Variants in KIF13A observed in about 807,000 individuals in gnomAD.
KIF13A encodes kinesin-like protein KIF13A.
In KIF13A, 79 loss-of-function variants were observed where a neutral mutation model predicts 212.2. The observed-to-expected ratio is 0.37, with a 90% CI of 0.31 to 0.45. The LOEUF is 0.45. KIF13A is among the 20% of genes least tolerant of loss of function. The probability of loss-of-function intolerance (pLI) is 1.00; values close to 1 mark genes in which losing one functional copy is unlikely to be tolerated. For synonymous variants in KIF13A, 789 were observed against 808.6 expected, an observed-to-expected ratio of 0.98 and a Z score of 0.41; for missense variants, 1,901 against 2,209.0, an observed-to-expected ratio of 0.86 and a Z score of 2.79.
At chr6:17,940,408 T>C (rs1314528741) in intron 2 of KIF13A, among the ~76,000 whole-genome samples, 1 of 152,196 alleles carries the variant, frequency 6.6e-6, no homozygotes. Context: ...GCAAATTAAG[T>C]TATGGAGAAA....
At position 17,789,990 on chromosome 6, in the gene KIF13A, A is replaced by G. The variant is rs1026817078; in HGVS notation, c.3223-80T>C. On this transcript the variant is annotated intron_variant, in intron 25 of 38. Transcript: ENST00000259711. This position sits in a 1 kb window ranked among gnomAD's most constrained non-coding sequence, Gnocchi z 4.8. ...CAGGGAAAATAATTATTTAAGCTTA[A>G]CACACATTAAAATGGACAGCTTACC... The G allele has an allele frequency of 1.7e-5, 19 of 1,123,980 alleles. No individual in the cohort carries two copies. Among genetic ancestry groups the G allele is most frequent in the Non-Finnish European group, 2.4e-5 (18 of 752,614 alleles). The allele number at this position is 1,123,980 out of a possible 1,614,324, so 69.6% of individuals were successfully genotyped here.
chr6:17,920,873 CA>C (rs10707103), intron 2 of KIF13A, among the ~76,000 whole-genome samples: 76,118 of 134,978 alleles, frequency 0.56, 20,854 homozygotes, highest in Non-Finnish European at 0.65. Flanking sequence ...GACTATGTCT[CA>C]AAAAAAAAAA....
At position 17,831,065 on chromosome 6, in the gene KIF13A, A is replaced by C. The variant is rs1320045203; in HGVS notation, c.1401+36T>G. 4 of 1,587,558 alleles carry C rather than the reference A, an allele frequency of 2.5e-6. No individual in the cohort carries two copies. In the Admixed American group the frequency reaches 7.0e-5, roughly 28 times the overall value. On this transcript the variant is annotated intron_variant, in intron 13 of 38. Coordinates refer to ENST00000259711, the MANE Select transcript of KIF13A (RefSeq NM_022113.6). ...TTCAACTACGAACTGTATAGGAATGAATCTTGATTGCATATGTATTTATAT... is the reference window on the plus strand; with the variant it reads ...TTCAACTACGAACTGTATAGGAATGCATCTTGATTGCATATGTATTTATAT...
chr6:17,798,578 T>C (rs1158404046), intron 22 of KIF13A, among the ~76,000 whole-genome samples: 1 of 152,196 alleles, frequency 6.6e-6, no homozygotes, highest in Non-Finnish European at 1.5e-5. Context: ...AAGCATGATT[T>C]GCAAAAGAAG....
intron 2 of KIF13A, among the ~76,000 whole-genome samples, chr6:17,976,231 G>A (rs6935312): frequency 1.3e-5 from 2 of 152,264 alleles, no homozygotes; most frequent in African/African-American, 4.8e-5. Context: ...GCGCGGTGGA[G>A]AAGGGGCCGG....
chr6:17,957,387 C>A (rs1778431211), intron 2 of KIF13A, among the ~76,000 whole-genome samples: 1 of 152,278 alleles, frequency 6.6e-6, no homozygotes, highest in East Asian at 1.9e-4. Flanking sequence ...GGGATAGGGA[C>A]CCTTGCAGAC....
intron 4 of KIF13A, among the ~76,000 whole-genome samples, chr6:17,868,331 T>C (rs1769621075): frequency 6.6e-6 from 1 of 152,156 alleles, no homozygotes; most frequent in African/African-American, 2.4e-5. Context: ...TGTTAAAAAA[T>C]GTATTGATTC....
At chr6:17,842,674 C>T (rs1465006662) in intron 9 of KIF13A, among the ~76,000 whole-genome samples, 1 of 151,938 alleles carries the variant, frequency 6.6e-6, no homozygotes, top group Non-Finnish European at 1.5e-5. Flanking sequence ...AAGTCTTAAG[C>T]TAGGAGATGA....
chr6:17,926,119 G>T lies in KIF13A; in HGVS notation c.147-27939C>A, dbSNP rs1300324863. On this transcript the variant is annotated intron_variant, in intron 2 of 38. Transcript: ENST00000259711. The surrounding 1 kb of genome is among the most constrained non-coding windows in gnomAD (Gnocchi z 4.3). Reference sequence around the variant, plus strand: ...AATTAAAGTAGTCATCATGTCCACGGTCCTACTAATTCTGAAAAGAAATGC... The same window carrying T: ...AATTAAAGTAGTCATCATGTCCACGTTCCTACTAATTCTGAAAAGAAATGC... Among the ~76,000 whole-genome samples, 1 of 152,056 alleles carries T rather than the reference G, an allele frequency of 6.6e-6. No individual in the cohort carries two copies. Among genetic ancestry groups the T allele is most frequent in the Non-Finnish European group, 1.5e-5 (1 of 68,012 alleles).
intron 9 of KIF13A, among the ~76,000 whole-genome samples, chr6:17,842,809 C>G (rs1255448471): frequency 6.6e-6 from 1 of 151,062 alleles, no homozygotes; most frequent in African/African-American, 2.4e-5. Context: ...AAAATAAAAG[C>G]CACTCCAATA....
rs1389734854 is a variant in KIF13A at position 17,794,515 on chromosome 6, G to C, written c.3075+57C>G. On this transcript the variant is annotated intron_variant, in intron 24 of 38. Transcript: ENST00000259711. This position sits in a 1 kb window ranked among gnomAD's most constrained non-coding sequence, Gnocchi z 4.1. ...TAGTTAGAAAATCCCCAGAAACAAT[G>C]TGTAAGAGTGGAACAGAGAGAAAAC... The C allele has an allele frequency of 7.6e-6, 12 of 1,571,388 alleles. No homozygotes were observed. In the African/African-American group the frequency reaches 1.2e-4, roughly 16 times the overall value.
intron 38 of KIF13A, chr6:17,770,361 A>ATTTTTGTTTTTT: frequency 8.4e-6 from 1 of 119,446 alleles, no homozygotes; most frequent in Non-Finnish European, 1.7e-5. Context: ...AATAAACAGG[A>ATTTTTGTTTTTT]TTTTTTTTTT....
intron 2 of KIF13A, among the ~76,000 whole-genome samples, chr6:17,962,669 G>C (rs1778936600): frequency 6.6e-6 from 1 of 152,176 alleles, no homozygotes; most frequent in South Asian, 2.1e-4. Flanking sequence ...ACAGGCACCC[G>C]GAGGCAGCTC....
intron 2 of KIF13A, among the ~76,000 whole-genome samples, chr6:17,937,826 G>A (rs979122569): frequency 4.7e-5 from 7 of 150,442 alleles, no homozygotes; most frequent in Admixed American, 2.0e-4. Context: ...TTCGGCCACC[G>A]CAACCTCCAC....
chr6:17,904,324 C>A (rs1280185620), intron 2 of KIF13A, among the ~76,000 whole-genome samples: 3 of 150,868 alleles, frequency 2.0e-5, no homozygotes, highest in African/African-American at 7.3e-5. Flanking sequence ...AAAAATTAGC[C>A]GGGTGTTGTG....
intron 3 of KIF13A, among the ~76,000 whole-genome samples, chr6:17,894,238 C>A (rs1455973825): frequency 6.6e-6 from 1 of 151,646 alleles, no homozygotes. Flanking sequence ...CTCAAGTGAT[C>A]ATCCCACCTC....
intron 3 of KIF13A, among the ~76,000 whole-genome samples, chr6:17,884,119 G>A (rs934083701): frequency 1.3e-5 from 2 of 152,078 alleles, no homozygotes; most frequent in African/African-American, 2.4e-5. Flanking sequence ...CTCCTCCAAT[G>A]TTTTCTCAAC....
chr6:17,780,319 A>G (rs949208776), intron 31 of KIF13A, among the ~76,000 whole-genome samples: 4 of 152,226 alleles, frequency 2.6e-5, no homozygotes, highest in South Asian at 2.1e-4. Context: ...AACACTGGAG[A>G]GGATCAGTTT....
rs1180142491 is a variant in KIF13A, at chr6:17,987,506, T to G, written c.-43A>C. On this transcript the variant is annotated 5_prime_UTR_variant, in exon 1 of 39. Coordinates refer to ENST00000259711, the MANE Select transcript of KIF13A (RefSeq NM_022113.6). The surrounding 1 kb of genome is among the most constrained non-coding windows in gnomAD (Gnocchi z 7.7). ...GGCCGCTCGCCGCGCCCGCTCGGCC[T>G]TAGGCGGCCCCTCACGCGCGGCGCC... 3.6e-6 allele frequency: 4 copies of G among 1,101,736 alleles called. No individual in the cohort carries two copies. The highest frequency in any genetic ancestry group is 1.7e-5 in the African/African-American group (1 of 59,030). 68.2% of individuals were successfully genotyped at this position (1,101,736 alleles called of 1,614,324 possible).
Sources: gnomAD v4.1 joint callset for allele counts (sites outside exome capture counted in the v4.1 genomes callset) on GRCh38, gnomAD v4.1.1 for gene constraint, Gnocchi (gnomAD v3.1) non-coding constraint, MANE v1.5 for transcripts, NCBI Gene and HGNC (gene_info 2026-07-23, HGNC 2026-07-21) for gene names.